PTPRD: variants seen among roughly 807,000 people sequenced by gnomAD.
The protein encoded by PTPRD is protein tyrosine phosphatase receptor type D.
Under a neutral mutation model 214.5 loss-of-function variants are expected in PTPRD, and 34 were observed. The ratio of observed to expected loss-of-function variants is 0.16; its 90% confidence interval spans 0.12 to 0.21. The LOEUF (loss-of-function observed/expected upper bound fraction) is 0.21, where lower values mean the gene tolerates loss of function less well. Among genes scored for constraint, PTPRD ranks in the 10% least tolerant of loss-of-function variants. The probability of loss-of-function intolerance (pLI) is 1.00; values close to 1 mark genes in which losing one functional copy is unlikely to be tolerated. For missense variants in PTPRD, 2,545 were observed against 2,398.7 expected, an observed-to-expected ratio of 1.06 and a Z score of -1.27; for synonymous variants, 1,128 against 845.7, an observed-to-expected ratio of 1.33 and a Z score of -5.79.
chr9:9,703,484 C>T lies in PTPRD; in HGVS notation c.-287+31049G>A, dbSNP rs112331035. Among the ~76,000 whole-genome samples the T allele has an allele frequency of 8.4e-3, 1,285 of 152,236 alleles. 17 individuals are homozygous for T. The highest frequency in any genetic ancestry group is 0.03 in the African/African-American group (1,227 of 41,550). On this transcript the variant is annotated intron_variant, in intron 7 of 45. Coordinates refer to ENST00000381196, the MANE Select transcript of PTPRD (RefSeq NM_002839.4). Reference sequence around the variant, plus strand: ...ATTCACCAGGAAGCTTGTTACCAAACGCAGAAACTTAGGTTTCACCCCAGA... The same window carrying T: ...ATTCACCAGGAAGCTTGTTACCAAATGCAGAAACTTAGGTTTCACCCCAGA...
At chr9:10,551,630 T>G (rs1041035313) in intron 2 of PTPRD, among the ~76,000 whole-genome samples, 1 of 152,148 alleles carries the variant, frequency 6.6e-6, no homozygotes, top group Non-Finnish European at 1.5e-5. Flanking sequence ...TGCCAGTACC[T>G]TGATTTTGAA....
intron 9 of PTPRD, among the ~76,000 whole-genome samples, chr9:9,369,150 C>G (rs1005096062): frequency 6.6e-6 from 1 of 152,058 alleles, no homozygotes; most frequent in Admixed American, 6.6e-5. Context: ...TTTTCTTAAT[C>G]TAGTCTATCA....
At chr9:8,320,073 T>C in intron 44 of PTPRD, 107 bp from the exon 45 acceptor site, 1 of 1,348,650 alleles carries the variant, frequency 7.4e-7, no homozygotes, top group Non-Finnish European at 9.9e-7. Context: ...CCGTATCTCT[T>C]TATAGCCATA....
At chr9:9,237,409 G>C (rs1349029305) in intron 9 of PTPRD, among the ~76,000 whole-genome samples, 2 of 152,060 alleles carry the variant, frequency 1.3e-5, no homozygotes, top group African/African-American at 4.8e-5. Context: ...TAGCCTGGGT[G>C]ACAGAGTGAG....
intron 5 of PTPRD, among the ~76,000 whole-genome samples, chr9:9,829,355 A>G (rs1206088799): frequency 6.6e-6 from 1 of 151,876 alleles, no homozygotes; most frequent in African/African-American, 2.4e-5. Context: ...AAACAAGTCC[A>G]TATTTATTCA....
At chr9:8,825,045 G>A (rs971681296) in intron 11 of PTPRD, among the ~76,000 whole-genome samples, 10 of 152,216 alleles carry the variant, frequency 6.6e-5, no homozygotes, top group Admixed American at 5.2e-4. Flanking sequence ...TTCATAGAAG[G>A]AATTTTAGAT....
At chr9:10,101,821 C>T (rs1180216834) in intron 3 of PTPRD, among the ~76,000 whole-genome samples, 3 of 151,786 alleles carry the variant, frequency 2.0e-5, no homozygotes, top group South Asian at 2.1e-4. Context: ...TTAGAGGCCA[C>T]ACATTACATT....
intron 3 of PTPRD, among the ~76,000 whole-genome samples, chr9:10,233,538 A>G (rs1046136381): frequency 3.3e-5 from 5 of 152,042 alleles, no homozygotes; most frequent in African/African-American, 1.2e-4. Context: ...TAAATAAAAT[A>G]TGAACATTTT....
intron 11 of PTPRD, among the ~76,000 whole-genome samples, chr9:8,961,038 T>C (rs192946177): frequency 1.3e-5 from 2 of 152,204 alleles, no homozygotes; most frequent in Admixed American, 1.3e-4. Flanking sequence ...AACAATCAAT[T>C]ACAATTAATA....
intron 2 of PTPRD, among the ~76,000 whole-genome samples, chr9:10,533,025 C>G (rs7039901): frequency 2.6e-5 from 4 of 152,082 alleles, no homozygotes; most frequent in Non-Finnish European, 5.9e-5. Context: ...TTAATGCCCT[C>G]TAATGCTCTC....
chr9:8,942,982 C>T (rs2099042736), intron 11 of PTPRD, among the ~76,000 whole-genome samples: 1 of 152,012 alleles, frequency 6.6e-6, no homozygotes, highest in African/African-American at 2.4e-5. Context: ...ATTAGTAGCA[C>T]TTCTATATGC....
At chr9:8,855,385 T>C (rs1418884417) in intron 11 of PTPRD, among the ~76,000 whole-genome samples, 1 of 152,168 alleles carries the variant, frequency 6.6e-6, no homozygotes, top group East Asian at 1.9e-4. Context: ...AACGCACATA[T>C]ATTAAAATAA....
intron 11 of PTPRD, among the ~76,000 whole-genome samples, chr9:8,855,287 G>C (rs1227265866): frequency 1.3e-5 from 2 of 151,844 alleles, no homozygotes; most frequent in African/African-American, 4.8e-5. Context: ...GAGATATTCT[G>C]GATTTAAATA....
At chr9:9,725,602 T>G (rs1456643577) in intron 7 of PTPRD, among the ~76,000 whole-genome samples, 1 of 152,140 alleles carries the variant, frequency 6.6e-6, no homozygotes, top group African/African-American at 2.4e-5. Flanking sequence ...TCCATTCCAT[T>G]TTTGTCTCAT....
At chr9:8,763,706 G>A (rs2094542039) in intron 11 of PTPRD, among the ~76,000 whole-genome samples, 1 of 150,914 alleles carries the variant, frequency 6.6e-6, no homozygotes, top group Non-Finnish European at 1.5e-5. Context: ...TCTTCTTTTG[G>A]AATTTTGCTA....
At chr9:10,288,930 T>C (rs2095445160) in intron 3 of PTPRD, among the ~76,000 whole-genome samples, 1 of 152,112 alleles carries the variant, frequency 6.6e-6, no homozygotes, top group African/African-American at 2.4e-5. Flanking sequence ...AAACTGACTA[T>C]ATAATCGGCA....
At chr9:10,259,067 G>A (rs1412949577) in intron 3 of PTPRD, among the ~76,000 whole-genome samples, 1 of 151,982 alleles carries the variant, frequency 6.6e-6, no homozygotes. Flanking sequence ...CTGTCGCCCA[G>A]GCTGGAGTGC....
At chr9:9,666,930 G>C (rs2096734142) in intron 7 of PTPRD, among the ~76,000 whole-genome samples, 1 of 151,802 alleles carries the variant, frequency 6.6e-6, no homozygotes, top group South Asian at 2.1e-4. Flanking sequence ...CCTTGAGTTT[G>C]GGTTATAGGA....
chr9:9,021,100 T>C (rs2099568219), intron 10 of PTPRD, among the ~76,000 whole-genome samples: 1 of 152,178 alleles, frequency 6.6e-6, no homozygotes, highest in Admixed American at 6.5e-5. Context: ...TGTCTAATTA[T>C]TTAAGAGGTA....
Sources: allele counts gnomAD v4.1 joint callset (sites outside exome capture counted in the v4.1 genomes callset), GRCh38; gene constraint gnomAD v4.1.1; transcripts MANE v1.5; gene names NCBI Gene and HGNC (gene_info 2026-07-23, HGNC 2026-07-21).